The following SUN1 variants were observed in gnomAD, a reference collection of about 807,000 sequenced individuals.
SUN1 encodes SUN domain-containing protein 1.
Under a neutral mutation model 103.2 loss-of-function variants are expected in SUN1, and 61 were observed. That is an observed-to-expected ratio of 0.59 (90% CI 0.48 to 0.73). The LOEUF (loss-of-function observed/expected upper bound fraction) is 0.73. Among genes scored for constraint, SUN1 ranks in the 30% least tolerant of loss-of-function variants. The pLI, the probability that SUN1 is intolerant of heterozygous loss-of-function variation, is 0.00. For synonymous variants in SUN1, 490 were observed against 425.7 expected, an observed-to-expected ratio of 1.15 and a Z score of -1.86; for missense variants, 1,052 against 1,034.6, an observed-to-expected ratio of 1.02 and a Z score of -0.23.
chr7:852,099 A>C (rs554285579), intron 7 of SUN1, 56 bp downstream of exon 7: 1 of 1,408,528 alleles, frequency 7.1e-7, no homozygotes, highest in East Asian at 2.3e-5. Context: ...TTTTGTGCCA[A>C]TTGCAGGCTC....
chr7:839,242 G>T, intron 2 of SUN1: 1 of 392,602 alleles, frequency 2.5e-6, no homozygotes, highest in South Asian at 8.2e-5. Flanking sequence ...CTTCGCTGGT[G>T]CACGCCACGT....
chr7:860,219 C>T lies in SUN1; in HGVS notation c.1616C>T (p.Ser539Leu), dbSNP rs1299756990. 1.2e-6 allele frequency: 2 copies of T among 1,614,246 alleles called. No individual in the cohort carries two copies. The highest frequency in any genetic ancestry group is 1.1e-5 in the South Asian group (1 of 91,086). Reference protein sequence around the residue: ...SLEQLLQRFSSQFVSKGDLQT... With the variant: ...SLEQLLQRFSLQFVSKGDLQT... ...GAACAGCTGCTGCAGAGGTTCTCATCACAGTTTGTGAGCAAAGGCGACTTG... is the reference window on the plus strand; with the variant it reads ...GAACAGCTGCTGCAGAGGTTCTCATTACAGTTTGTGAGCAAAGGCGACTTG... Residue 539 changes from serine (S) to leucine (L), a missense_variant, in exon 14 of 19, where the codon TCA becomes TTA. Ser to Leu is a moderately radical substitution (Grantham distance 145). This residue lies in a region of SUN1 where 846 missense variants were observed against 774.5 expected (regional missense o/e 1.09). Coordinates refer to ENST00000401592, the MANE Select transcript of SUN1 (RefSeq NM_001130965.3).
chr7:857,261 G>A (rs1427422393), intron 12 of SUN1, among the ~76,000 whole-genome samples: 1 of 152,192 alleles, frequency 6.6e-6, no homozygotes, highest in Non-Finnish European at 1.5e-5. Context: ...CCTCTTCTGT[G>A]AGGACAGGTG....
At chr7:857,348 T>A (rs756788040) in intron 12 of SUN1, among the ~76,000 whole-genome samples, 6 of 152,188 alleles carry the variant, frequency 3.9e-5, no homozygotes, top group Admixed American at 6.5e-5. Flanking sequence ...TGTTAATATG[T>A]CAATCCTAAA....
chr7:818,983 C>T (rs1043146775), intron 1 of SUN1, among the ~76,000 whole-genome samples: 11 of 152,040 alleles, frequency 7.2e-5, no homozygotes, highest in Admixed American at 5.9e-4. Flanking sequence ...CCTGCCTCAG[C>T]CTCCCGAATA....
upstream of SUN1, among the ~76,000 whole-genome samples, chr7:828,248 G>GTTTTTGT (rs1794504064): frequency 1.6e-5 from 2 of 122,398 alleles, no homozygotes; most frequent in Admixed American, 8.1e-5. Context: ...GTATGTTTTT[G>GTTTTTGT]TTTTTGTTTT....
In SUN1 at chr7:853,682, C is replaced by T; in HGVS notation, c.1263+64C>T. ...AACGCGCTTCTGGGTGCCATGTTCT[C>T]TCCTTTTGGGAGACAGAGGGGACAG... On this transcript the variant is annotated intron_variant, in intron 10 of 18. Coordinates refer to ENST00000401592, the MANE Select transcript of SUN1 (RefSeq NM_001130965.3). The T allele has an allele frequency of 4.5e-6, 7 of 1,547,998 alleles. No homozygotes were observed. The South Asian group carries it at 5.7e-5, about 13-fold the overall frequency.
upstream of SUN1, among the ~76,000 whole-genome samples, chr7:816,453 C>T (rs1239509717): frequency 6.7e-6 from 1 of 148,844 alleles, no homozygotes; most frequent in African/African-American, 2.5e-5. Context: ...CCCTCTCCCC[C>T]TCCCCTTCCC....
chr7:864,559 A>C (rs1834846536), intron 15 of SUN1, among the ~76,000 whole-genome samples: 1 of 137,828 alleles, frequency 7.3e-6, no homozygotes, highest in African/African-American at 3.0e-5. Flanking sequence ...TATCTCAAAA[A>C]AAAAAAAAAA....
At chr7:859,625 C>G (rs1381697792) in intron 13 of SUN1, among the ~76,000 whole-genome samples, 2 of 152,198 alleles carry the variant, frequency 1.3e-5, no homozygotes, top group Non-Finnish European at 2.9e-5. Flanking sequence ...GCTTTGCCCT[C>G]TCCTTCACGG....
chr7:861,173 G>A (rs973966111), intron 14 of SUN1, among the ~76,000 whole-genome samples: 13 of 152,148 alleles, frequency 8.5e-5, no homozygotes, highest in African/African-American at 2.9e-4. Context: ...AAGAGGCCTC[G>A]TGCCCTCCCA....
At chr7:857,505 T>A (rs1349936401) in intron 12 of SUN1, among the ~76,000 whole-genome samples, 1 of 152,170 alleles carries the variant, frequency 6.6e-6, no homozygotes, top group African/African-American at 2.4e-5. Context: ...AGTCCAGAAA[T>A]AAAGTTTCTA....
At chr7:868,384 G>T in intron 16 of SUN1, 1 of 262,490 alleles carries the variant, frequency 3.8e-6, no homozygotes, top group Non-Finnish European at 7.5e-6. Flanking sequence ...GCAGCAGGCC[G>T]ACCTTGCCAG....
upstream of SUN1, chr7:832,402 C>G (rs902408051): frequency 2.1e-6 from 2 of 942,504 alleles, no homozygotes; most frequent in African/African-American, 1.6e-5. Context: ...TTGAGGGTGA[C>G]CTGAGTTGAG....
upstream of SUN1, chr7:816,111 G>A (rs1299304876): frequency 3.9e-6 from 1 of 258,392 alleles, no homozygotes; most frequent in Admixed American, 6.4e-5. Context: ...CGAAGATGCA[G>A]ACCCTTCCCC....
chr7:840,764 C>T (rs1808840550), intron 2 of SUN1, among the ~76,000 whole-genome samples: 2 of 151,604 alleles, frequency 1.3e-5, no homozygotes, highest in South Asian at 2.1e-4. Context: ...GCCTCAGCCT[C>T]CCGAGTAGCT....
chr7:835,483 T>A (rs1483014857), intron 1 of SUN1, among the ~76,000 whole-genome samples: 1 of 152,262 alleles, frequency 6.6e-6, no homozygotes, highest in Non-Finnish European at 1.5e-5. Flanking sequence ...GAATTTTCTC[T>A]TTCACAATTA....
intron 17 of SUN1, among the ~76,000 whole-genome samples, chr7:870,973 C>G (rs1841242922): frequency 6.9e-6 from 1 of 144,964 alleles, no homozygotes; most frequent in Non-Finnish European, 1.5e-5. Flanking sequence ...TCACCACAAT[C>G]TCCGCCTCCC....
Position 852,803 on chromosome 7 carries a change from CTT to C in SUN1, c.911-4_911-3del, listed in dbSNP as rs1474680076. Reference sequence around the variant, plus strand: ...CCTGTGTGTGTGTGGTGGCTCTTCTCTTTTAGCAGGTCTCTCCTTACGGGGCC... The same window carrying C: ...CCTGTGTGTGTGTGGTGGCTCTTCTCTTAGCAGGTCTCTCCTTACGGGGCC... On this transcript the variant is annotated splice_polypyrimidine_tract_variant and splice_region_variant and intron_variant, in intron 8 of 18. Transcript: ENST00000401592. 1 of 1,611,310 alleles carries C rather than the reference CTT, an allele frequency of 6.2e-7. No homozygotes were observed. Among genetic ancestry groups the C allele is most frequent in the African/African-American group, 1.3e-5 (1 of 74,896 alleles).
Sources: gnomAD v4.1 joint callset for allele counts (sites outside exome capture counted in the v4.1 genomes callset) on GRCh38, gnomAD v4.1.1 for gene constraint, gnomAD v4.1.1 regional missense constraint, MANE v1.5 for transcripts, NCBI Gene and HGNC (gene_info 2026-07-23, HGNC 2026-07-21) for gene names.